Variants in SPAG17 observed in about 807,000 individuals in gnomAD.
SPAG17 encodes sperm-associated antigen 17.
SPAG17 carries 169 observed loss-of-function variants against 273.6 expected under a neutral mutation model. The ratio of observed to expected loss-of-function variants is 0.62; its 90% CI spans 0.55 to 0.70. The LOEUF is 0.70. Ranked by LOEUF, SPAG17 falls within the 30% of genes least tolerant of loss-of-function variation. The probability of loss-of-function intolerance (pLI) is 0.00; values close to 1 mark genes in which losing one functional copy is unlikely to be tolerated. For missense variants in SPAG17, 2,557 were observed against 2,627.8 expected, an observed-to-expected ratio of 0.97 and a Z score of 0.59; for synonymous variants, 825 against 873.2, an observed-to-expected ratio of 0.94 and a Z score of 0.97.
intron 28 of SPAG17, among the ~76,000 whole-genome samples, chr1:118,019,138 G>A (rs552607748): frequency 4.2e-4 from 63 of 150,704 alleles, no homozygotes; most frequent in African/African-American, 1.5e-3. Flanking sequence ...GAGACACAAT[G>A]AAACAAGGCA....
At chr1:118,024,694 T>C (rs12142365) in intron 27 of SPAG17, among the ~76,000 whole-genome samples, 11,515 of 152,180 alleles carry the variant, frequency 0.076, 635 homozygotes, top group East Asian at 0.31. Flanking sequence ...TCCCATCCTC[T>C]GGGTGACAGT....
intron 1 of SPAG17, among the ~76,000 whole-genome samples, chr1:118,155,501 G>T (rs1420035655): frequency 6.6e-6 from 1 of 152,132 alleles, no homozygotes; most frequent in Non-Finnish European, 1.5e-5. Context: ...ACAAGGGCAG[G>T]ACTTGCAAGC....
intron 48 of SPAG17, chr1:117,957,259 C>G: frequency 6.5e-7 from 1 of 1,533,540 alleles, no homozygotes; most frequent in South Asian, 1.3e-5. Flanking sequence ...AGTACCTTAA[C>G]TGAAGCTGTC....
intron 10 of SPAG17, among the ~76,000 whole-genome samples, chr1:118,088,915 C>T (rs1430731240): frequency 6.6e-6 from 1 of 152,128 alleles, no homozygotes; most frequent in Non-Finnish European, 1.5e-5. Context: ...AGAAGACTTT[C>T]TTAGAATCTT....
intron 22 of SPAG17, among the ~76,000 whole-genome samples, chr1:118,039,849 T>C (rs1185570772): frequency 6.6e-6 from 1 of 152,014 alleles, no homozygotes; most frequent in Non-Finnish European, 1.5e-5. Context: ...GTCACCTCTA[T>C]AAAAGAATGC....
At chr1:118,166,970 C>T (rs919113909) in intron 1 of SPAG17, among the ~76,000 whole-genome samples, 1 of 151,902 alleles carries the variant, frequency 6.6e-6, no homozygotes, top group Non-Finnish European at 1.5e-5. Context: ...CTTTTTGAGG[C>T]TCAACTAAAT....
At chr1:117,954,483 T>C in intron 48 of SPAG17, 1 of 1,265,612 alleles carries the variant, frequency 7.9e-7, no homozygotes, top group Non-Finnish European at 1.1e-6. Context: ...CTTTTTTCCC[T>C]TTTCAAAATT....
At chr1:118,165,528 A>C (rs1570811078) in intron 1 of SPAG17, among the ~76,000 whole-genome samples, 1 of 151,888 alleles carries the variant, frequency 6.6e-6, no homozygotes, top group African/African-American at 2.4e-5. Context: ...ATATTTTCTT[A>C]GGTTGGTGCC....
Position 117,996,356 on chromosome 1 carries a change from T to A in SPAG17, c.5053+14A>T. ...AAGAGACACCGTGCATTCCAGACAG[T>A]ATGGGTCCTCTACCTGGCTGTTCCT... On this transcript the variant is annotated intron_variant, in intron 34 of 48. Coordinates refer to ENST00000336338, the MANE Select transcript of SPAG17 (RefSeq NM_206996.4). 6.2e-7 allele frequency: 1 copy of A among 1,608,680 alleles called. No homozygotes were observed. Among genetic ancestry groups the A allele is most frequent in the Non-Finnish European group, 8.5e-7 (1 of 1,177,344 alleles).
intron 1 of SPAG17, among the ~76,000 whole-genome samples, chr1:118,156,397 T>A (rs1221566362): frequency 6.6e-6 from 1 of 152,202 alleles, no homozygotes; most frequent in Non-Finnish European, 1.5e-5. Flanking sequence ...GACCCTCAAA[T>A]CATAAAGTGC....
At chr1:118,028,194 G>A (rs1378391910) in intron 26 of SPAG17, 80 bp downstream of exon 26, 2 of 1,472,806 alleles carry the variant, frequency 1.4e-6, no homozygotes, top group East Asian at 4.6e-5. Flanking sequence ...ATGTTTAACT[G>A]GCATGAAAAT....
chr1:118,106,491 G>C (rs1219851501), intron 4 of SPAG17, among the ~76,000 whole-genome samples: 1 of 152,072 alleles, frequency 6.6e-6, no homozygotes, highest in African/African-American at 2.4e-5. Context: ...TGGAAGCACT[G>C]GTAAGACTCA....
chr1:118,143,085 C>T (rs913391515), intron 3 of SPAG17, among the ~76,000 whole-genome samples: 3 of 152,154 alleles, frequency 2.0e-5, no homozygotes, highest in Non-Finnish European at 4.4e-5. Flanking sequence ...AGCCACTCAT[C>T]GAAGTGGCTT....
At chr1:118,174,752 T>A (rs997437319) in intron 1 of SPAG17, among the ~76,000 whole-genome samples, 1 of 152,164 alleles carries the variant, frequency 6.6e-6, no homozygotes, top group Admixed American at 6.5e-5. Flanking sequence ...GGATTATCTA[T>A]AAGATTATCA....
intron 3 of SPAG17, among the ~76,000 whole-genome samples, chr1:118,118,351 T>G (rs533037071): frequency 1.3e-5 from 2 of 152,222 alleles, no homozygotes; most frequent in African/African-American, 4.8e-5. Flanking sequence ...TAGCCAGGGC[T>G]ATAGTTATAG....
chr1:118,028,099 T>TA (rs1297147103), intron 26 of SPAG17, among the ~76,000 whole-genome samples, 175 bp downstream of exon 26: 1 of 152,218 alleles, frequency 6.6e-6, no homozygotes, highest in African/African-American at 2.4e-5. Context: ...ATTTTTGACA[T>TA]ATATACTAAG....
intron 18 of SPAG17, among the ~76,000 whole-genome samples, chr1:118,060,727 C>T (rs1011221049): frequency 6.6e-6 from 1 of 152,076 alleles, no homozygotes; most frequent in Non-Finnish European, 1.5e-5. Context: ...TGATGAACTC[C>T]CTCAGCTTTT....
chr1:118,176,582 GGAGA>G (rs1319149361), intron 1 of SPAG17, among the ~76,000 whole-genome samples: 1 of 152,068 alleles, frequency 6.6e-6, no homozygotes, highest in East Asian at 1.9e-4. Context: ...AGTTGTAAAG[GGAGA>G]GATAGATTAT....
At chr1:118,173,880 A>T (rs1660543877) in intron 1 of SPAG17, among the ~76,000 whole-genome samples, 1 of 144,928 alleles carries the variant, frequency 6.9e-6, no homozygotes, top group African/African-American at 2.6e-5. Flanking sequence ...AAAAAAAAGT[A>T]CACACACAGA....
Sources: allele counts gnomAD v4.1 joint callset (sites outside exome capture counted in the v4.1 genomes callset), GRCh38; gene constraint gnomAD v4.1.1; transcripts MANE v1.5; gene names NCBI Gene and HGNC (gene_info 2026-07-23, HGNC 2026-07-21).